Variants in NKAIN3 observed in about 807,000 individuals in gnomAD.
NKAIN3 encodes sodium/potassium transporting ATPase interacting 3.
In NKAIN3, 25 loss-of-function variants were observed where a neutral mutation model predicts 30.2. The ratio of observed to expected loss-of-function variants is 0.83; its 90% CI spans 0.60 to 1.16. The LOEUF (loss-of-function observed/expected upper bound fraction) is 1.16. Ranked by LOEUF, NKAIN3 falls within the 50% of genes most tolerant of loss-of-function variation. The pLI, the probability that NKAIN3 is intolerant of heterozygous loss-of-function variation, is 0.00. For missense variants in NKAIN3, 225 were observed against 254.1 expected (o/e 0.89, Z 0.78); for synonymous variants, 91 against 89.6 (o/e 1.02, Z -0.09).
chr8:62,550,515 A>G (rs1228092098), intron 1 of NKAIN3, among the ~76,000 whole-genome samples: 1 of 152,240 alleles, frequency 6.6e-6, no homozygotes. Context: ...CATTGGCTGA[A>G]TTGAACTTGG....
intron 4 of NKAIN3, among the ~76,000 whole-genome samples, chr8:62,869,828 C>T (rs1422956557): frequency 4.6e-5 from 7 of 152,026 alleles, no homozygotes; most frequent in Non-Finnish European, 1.0e-4. Flanking sequence ...AGTGCAGTGG[C>T]GCGATCTCGG....
chr8:62,409,328 G>C (rs372339182), intron 1 of NKAIN3, among the ~76,000 whole-genome samples: 4 of 152,124 alleles, frequency 2.6e-5, no homozygotes, highest in African/African-American at 9.6e-5. Flanking sequence ...GGGATTACAG[G>C]CATACATCAC....
chr8:62,702,470 A>T (rs1000250329), intron 3 of NKAIN3, among the ~76,000 whole-genome samples: 2 of 152,190 alleles, frequency 1.3e-5, no homozygotes, highest in African/African-American at 4.8e-5. Flanking sequence ...TGAAAGTTAG[A>T]TTTTTATGCA....
chr8:62,743,043 A>G (rs1815955725), intron 3 of NKAIN3, among the ~76,000 whole-genome samples: 1 of 152,170 alleles, frequency 6.6e-6, no homozygotes. Flanking sequence ...CTATGACTCA[A>G]TTACCTCCAA....
chr8:62,627,477 A>G (rs1052255229), intron 3 of NKAIN3, among the ~76,000 whole-genome samples: 2 of 152,066 alleles, frequency 1.3e-5, no homozygotes, highest in Non-Finnish European at 2.9e-5. Flanking sequence ...AGGGTAAAGA[A>G]TAAGACTTCT....
At chr8:62,620,122 A>C (rs984510094) in intron 3 of NKAIN3, among the ~76,000 whole-genome samples, 1 of 152,138 alleles carries the variant, frequency 6.6e-6, no homozygotes, top group South Asian at 2.1e-4. Context: ...AAGAGTGAAA[A>C]GTCATAAAAG....
intron 4 of NKAIN3, among the ~76,000 whole-genome samples, chr8:62,811,798 G>T (rs1000162218): frequency 6.6e-6 from 1 of 151,890 alleles, no homozygotes; most frequent in African/African-American, 2.4e-5. Flanking sequence ...TATGTGGTTT[G>T]TAAATATTTT....
chr8:62,437,467 T>C (rs1298528502), intron 1 of NKAIN3, among the ~76,000 whole-genome samples: 3 of 152,208 alleles, frequency 2.0e-5, no homozygotes, highest in Admixed American at 6.5e-5. Flanking sequence ...TAGCTACAGA[T>C]GTGGACATCC....
At chr8:62,324,607 T>C (rs1344955008) in intron 1 of NKAIN3, among the ~76,000 whole-genome samples, 2 of 152,108 alleles carry the variant, frequency 1.3e-5, no homozygotes, top group African/African-American at 4.8e-5. Flanking sequence ...AAGAGAGAGC[T>C]AAAACATGAG....
chr8:62,887,308 C>G (rs1389514999), intron 4 of NKAIN3, among the ~76,000 whole-genome samples: 2 of 151,962 alleles, frequency 1.3e-5, no homozygotes, highest in African/African-American at 2.4e-5. Flanking sequence ...TTATGAATCT[C>G]TGTATCTACC....
intron 1 of NKAIN3, among the ~76,000 whole-genome samples, chr8:62,268,969 TG>T (rs201638145): frequency 6.6e-6 from 1 of 152,194 alleles, no homozygotes; most frequent in East Asian, 1.9e-4. Flanking sequence ...TTCTGGTACG[TG>T]GGACTTTTTC....
intron 2 of NKAIN3, among the ~76,000 whole-genome samples, chr8:62,588,824 G>A (rs1810561096): frequency 6.6e-6 from 1 of 151,756 alleles, no homozygotes; most frequent in Non-Finnish European, 1.5e-5. Context: ...TATTTGATAT[G>A]TTATTTGTGT....
intron 1 of NKAIN3, among the ~76,000 whole-genome samples, chr8:62,506,211 G>T (rs1807629931): frequency 8.1e-6 from 1 of 124,012 alleles, no homozygotes; most frequent in South Asian, 3.4e-4. Flanking sequence ...AGGTTTCAGG[G>T]ATCCATATGA....
chr8:62,769,150 T>G (rs1816940526), intron 4 of NKAIN3, among the ~76,000 whole-genome samples: 1 of 152,190 alleles, frequency 6.6e-6, no homozygotes, highest in South Asian at 2.1e-4. Flanking sequence ...AGTCTAGTGA[T>G]CAAACAAAAG....
chr8:62,912,106 A>G (rs1332286404), intron 4 of NKAIN3, among the ~76,000 whole-genome samples: 2 of 152,212 alleles, frequency 1.3e-5, no homozygotes, highest in African/African-American at 4.8e-5. Context: ...ACAAACCTCT[A>G]TAGCACTGTT....
At chr8:62,591,940 G>A (rs1810666910) in intron 3 of NKAIN3, among the ~76,000 whole-genome samples, 1 of 152,000 alleles carries the variant, frequency 6.6e-6, no homozygotes, top group African/African-American at 2.4e-5. Context: ...GTCCATATGA[G>A]TTGGTTTATA....
chr8:62,301,234 A>C (rs1264209013), intron 1 of NKAIN3, among the ~76,000 whole-genome samples: 1 of 152,134 alleles, frequency 6.6e-6, no homozygotes, highest in African/African-American at 2.4e-5. Flanking sequence ...TAAAATTAAA[A>C]TGTTATTTAA....
intron 4 of NKAIN3, among the ~76,000 whole-genome samples, chr8:62,852,121 C>T (rs1255950400): frequency 6.6e-6 from 1 of 152,090 alleles, no homozygotes; most frequent in Non-Finnish European, 1.5e-5. Context: ...TAATTGTTGC[C>T]TCAATTTCAG....
At chr8:62,305,850 G>A (rs183711707) in intron 1 of NKAIN3, among the ~76,000 whole-genome samples, 1 of 150,378 alleles carries the variant, frequency 6.6e-6, no homozygotes, top group African/African-American at 2.5e-5. Flanking sequence ...TAGCAAATGA[G>A]GAGTTTGACC....
Sources: allele counts gnomAD v4.1 joint callset (sites outside exome capture counted in the v4.1 genomes callset), GRCh38; gene constraint gnomAD v4.1.1; transcripts MANE v1.5; gene names NCBI Gene and HGNC (gene_info 2026-07-23, HGNC 2026-07-21).